TMEM42: variants seen among roughly 807,000 people sequenced by gnomAD.
The protein encoded by TMEM42 is transmembrane protein 42.
TMEM42 carries 8 observed loss-of-function variants against 14.0 expected under a neutral mutation model. That is an observed-to-expected ratio of 0.57 (90% confidence interval 0.34 to 1.03). TMEM42 has a LOEUF of 1.03. TMEM42 is among the 50% of genes least tolerant of loss of function. The pLI, the probability that TMEM42 is intolerant of heterozygous loss-of-function variation, is 0.03. For synonymous variants in TMEM42, 115 were observed against 94.3 expected (o/e 1.22, Z -1.27); for missense variants, 211 against 219.8 (o/e 0.96, Z 0.25).
chr3:44,863,879 T>G, intron 1 of TMEM42: 2 of 345,698 alleles, frequency 5.8e-6, no homozygotes, highest in Non-Finnish European at 1.1e-5. Flanking sequence ...GCACTGGTCA[T>G]TGTGGGACCA....
At chr3:44,862,168 GCCGCT>G in intron 1 of TMEM42, 52 bp downstream of exon 1, 1 of 1,039,470 alleles carries the variant, frequency 9.6e-7, no homozygotes, top group Non-Finnish European at 1.2e-6. Context: ...CGGGCGGGGC[GCCGCT>G]GGGCGGAGGA....
At position 44,862,163 on chromosome 3, in the gene TMEM42, G is replaced by A. The variant is rs1699263000; in HGVS notation, c.192+47G>A. On this transcript the variant is annotated intron_variant, in intron 1 of 2. Coordinates refer to ENST00000302392, the MANE Select transcript of TMEM42 (RefSeq NM_144638.3). The stretch of plus-strand genomic sequence containing the variant: ...GTGCTGCTGCTGCGGGCGGGCGGGC[G>A]GGGCGCCGCTGGGCGGAGGAGGGGC... The A allele has an allele frequency of 5.0e-6, 3 of 597,604 alleles. 1 individual carries two copies. Among genetic ancestry groups the A allele is most frequent in the African/African-American group, 2.0e-5 (1 of 50,208 alleles). The allele number at this position is 597,604 out of a possible 1,614,324, so 37.0% of individuals were successfully genotyped here. A position where few individuals can be genotyped will look rare whatever the true frequency, so the allele number is the denominator to read the frequency against.
At chr3:44,864,447 G>A (rs2125740227) in intron 2 of TMEM42, 104 bp downstream of exon 2, 1 of 1,458,998 alleles carries the variant, frequency 6.9e-7, no homozygotes, top group Non-Finnish European at 9.4e-7. Flanking sequence ...GACAGGAACT[G>A]AAGCAGAGGT....
chr3:44,864,138 G>T, intron 1 of TMEM42, 59 bp from the exon 2 acceptor site: 1 of 1,607,140 alleles, frequency 6.2e-7, no homozygotes, highest in Non-Finnish European at 8.5e-7. Flanking sequence ...TGTGCTTTGA[G>T]GGGGTCTGCA....
In TMEM42 at chr3:44,865,478, A is replaced by C; in HGVS notation, c.*298A>C. 1 of 367,020 alleles carries C rather than the reference A, an allele frequency of 2.7e-6. No homozygotes were observed. Among genetic ancestry groups the C allele is most frequent in the South Asian group, 5.5e-5 (1 of 18,170 alleles). 22.7% of individuals were successfully genotyped at this position (367,020 alleles called of 1,614,324 possible). The stretch of plus-strand genomic sequence containing the variant: ...GGGGTTGGTCTGCTTTGTGTATGGT[A>C]CTTGAAACCACGCTGTAATTATTGT... On this transcript the variant is annotated 3_prime_UTR_variant, in exon 3 of 3. Coordinates refer to ENST00000302392, the MANE Select transcript of TMEM42 (RefSeq NM_144638.3).
chr3:44,862,056 G>T lies in TMEM42; in HGVS notation c.132G>T (p.Leu44=). ...RRRFWGVFNC[L]CAGAFGALAA... ...GCTTTTGGGGCGTATTCAACTGTCT[G>T]TGCGCCGGCGCGTTCGGGGCCCTGG... The change falls in exon 1 of 3, where the codon CTG becomes CTT. Residue 44 remains leucine (L), a synonymous_variant. Coordinates refer to ENST00000302392, the MANE Select transcript of TMEM42 (RefSeq NM_144638.3). 7.5e-7 allele frequency: 1 copy of T among 1,328,842 alleles called. No homozygotes were observed. Among genetic ancestry groups the T allele is most frequent in the African/African-American group, 1.5e-5 (1 of 66,376 alleles). 82.3% of individuals were successfully genotyped at this position (1,328,842 alleles called of 1,614,324 possible). A position where few individuals can be genotyped will look rare whatever the true frequency, so the allele number is the denominator to read the frequency against.
In TMEM42 at chr3:44,861,958, G is replaced by A; in HGVS notation, c.34G>A (p.Val12Met). The A allele has an allele frequency of 7.1e-7, 1 of 1,403,560 alleles. No individual in the cohort carries two copies. Among genetic ancestry groups the A allele is most frequent in the Non-Finnish European group, 9.2e-7 (1 of 1,081,314 alleles). 86.9% of individuals were successfully genotyped at this position (1,403,560 alleles called of 1,614,324 possible). A position where few individuals can be genotyped will look rare whatever the true frequency, so the allele number is the denominator to read the frequency against. Reference sequence around the variant, plus strand: ...GAGGCCGGGGCCTCCGGGCGGCGCCGTGTCCGCGACCGCGTACCCTGACAC... The same window carrying A: ...GAGGCCGGGGCCTCCGGGCGGCGCCATGTCCGCGACCGCGTACCCTGACAC... ...AERPGPPGGAVSATAYPDTPA... is the reference protein window; with the variant it reads ...AERPGPPGGAMSATAYPDTPA... Residue 12 changes from valine (V) to methionine (M), a missense_variant, in exon 1 of 3, where the codon GTG becomes ATG. By Grantham distance (21) the Val-to-Met change is conservative. Coordinates refer to ENST00000302392, the MANE Select transcript of TMEM42 (RefSeq NM_144638.3).
At chr3:44,864,859 C>T (rs1699303418) in intron 2 of TMEM42, among the ~76,000 whole-genome samples, 181 bp from the exon 3 acceptor site, 2 of 152,124 alleles carry the variant, frequency 1.3e-5, no homozygotes, top group Admixed American at 1.3e-4. Context: ...GGTAGCCTCT[C>T]CACTCATGCA....
Position 44,864,491 on chromosome 3 carries a change from A to G in TMEM42, c.339+148A>G, listed in dbSNP as rs568366130. On this transcript the variant is annotated intron_variant, in intron 2 of 2. Transcript: ENST00000302392. ...GGCTTGACCCCTGGATGAGTGCTCT[A>G]TTCATGGAGCAAATGTAATTCTAAT... 8 of 876,324 alleles carry G rather than the reference A, an allele frequency of 9.1e-6. No homozygotes were observed. The East Asian group carries it at 1.8e-4, about 20-fold the overall frequency. 54.3% of individuals were successfully genotyped at this position (876,324 alleles called of 1,614,324 possible).
chr3:44,863,872 C>T (rs1699291184), intron 1 of TMEM42: 1 of 320,238 alleles, frequency 3.1e-6, no homozygotes, highest in East Asian at 5.8e-5. Context: ...TCTTCAAGCA[C>T]TGGTCATTGT....
Position 44,864,201 on chromosome 3 carries a change from G to A in TMEM42, c.197G>A (p.Ser66Asn), listed in dbSNP as rs756373191. ...CAGTGACACTTTCTCCTGCAGGTGA[G>A]CATGGGTTTATGCGTCTTAGGCATT... The part of the protein sequence containing the change: ...SAKLAFGSEV[S>N]MGLCVLGIIV... Residue 66 changes from serine to asparagine, a missense_variant, in exon 2 of 3, where the codon AGC becomes AAC. By Grantham distance (46) the Ser-to-Asn change is conservative. Coordinates refer to ENST00000302392, the MANE Select transcript of TMEM42 (RefSeq NM_144638.3). 1 of 1,614,020 alleles carries A rather than the reference G, an allele frequency of 6.2e-7. No individual in the cohort carries two copies. Among genetic ancestry groups the A allele is most frequent in the Non-Finnish European group, 8.5e-7 (1 of 1,180,032 alleles).
At position 44,862,058 on chromosome 3, in the gene TMEM42, G is replaced by T; in HGVS notation, c.134G>T (p.Cys45Phe). ...RRFWGVFNCL[C>F]AGAFGALAAA... is the part of the protein sequence containing the mutation. The stretch of plus-strand genomic sequence containing the variant: ...TTTTGGGGCGTATTCAACTGTCTGT[G>T]CGCCGGCGCGTTCGGGGCCCTGGCC... Residue 45 changes from cysteine (C) to phenylalanine (F), a missense_variant, in exon 1 of 3, where the codon TGC becomes TTC. Cys to Phe is a radical substitution (Grantham distance 205). Transcript: ENST00000302392. 1 of 1,327,338 alleles carries T rather than the reference G, an allele frequency of 7.5e-7. No homozygotes were observed. 82.2% of individuals were successfully genotyped at this position (1,327,338 alleles called of 1,614,324 possible).
chr3:44,864,290 A>T lies in TMEM42; in HGVS notation c.286A>T (p.Met96Leu), dbSNP rs137995657. The change falls in exon 2 of 3, where the codon ATG becomes TTG. Residue 96 changes from methionine to leucine, a missense_variant. Transcript: ENST00000302392. The part of the protein sequence containing the change: ...TFFSRGLSFS[M>L]SSAIASVTVT... ...CTTTAGCCGGGGCCTCAGTTTCTCC[A>T]TGTCTTCAGCCATTGCATCTGTCAC... The T allele has an allele frequency of 1.2e-6, 2 of 1,614,146 alleles. No homozygotes were observed. The highest frequency in any genetic ancestry group is 1.7e-6 in the Non-Finnish European group (2 of 1,180,026).
In TMEM42 at chr3:44,864,220, A is replaced by G. The variant is rs779479684; in HGVS notation, c.216A>G (p.Leu72=). The part of the protein sequence containing the change: ...GSEVSMGLCV[L]GIIVMASTNS... ...AGGTGAGCATGGGTTTATGCGTCTTAGGCATTATTGTGATGGCGAGCACCA... is the reference window on the plus strand; with the variant it reads ...AGGTGAGCATGGGTTTATGCGTCTTGGGCATTATTGTGATGGCGAGCACCA... Residue 72 remains leucine, a synonymous_variant, in exon 2 of 3, where the codon TTA becomes TTG. Coordinates refer to ENST00000302392, the MANE Select transcript of TMEM42 (RefSeq NM_144638.3). 1.2e-6 allele frequency: 2 copies of G among 1,614,130 alleles called. No individual in the cohort carries two copies. The highest frequency in any genetic ancestry group is 1.3e-5 in the African/African-American group (1 of 75,028).
chr3:44,863,308 C>CCCG (rs1553668754), intron 1 of TMEM42: 2 of 111,316 alleles, frequency 1.8e-5, no homozygotes, highest in African/African-American at 2.9e-5. Flanking sequence ...GCACCCCCCC[C>CCCG]CCCCGCCGCC....
intron 1 of TMEM42, chr3:44,863,266 A>G (rs1245481900): frequency 1.5e-5 from 2 of 136,844 alleles, no homozygotes; most frequent in Non-Finnish European, 3.0e-5. Flanking sequence ...CTGCTGAGAA[A>G]CCATTACAAG....
In TMEM42 at chr3:44,864,238, G is replaced by C. The variant is rs771634203; in HGVS notation, c.234G>C (p.Ala78=). 3 of 1,614,158 alleles carry C rather than the reference G, an allele frequency of 1.9e-6. No individual in the cohort carries two copies. The highest frequency in any genetic ancestry group is 1.7e-6 in the Non-Finnish European group (2 of 1,180,024). Residue 78 remains alanine (A), a synonymous_variant, in exon 2 of 3, where the codon GCG becomes GCC. Transcript: ENST00000302392. The part of the protein sequence containing the change: ...GLCVLGIIVM[A]STNSLMWTFF... ...GCGTCTTAGGCATTATTGTGATGGC[G>C]AGCACCAATTCTCTGATGTGGACCT...
intron 1 of TMEM42, chr3:44,862,677 C>G (rs1226009631): frequency 6.6e-6 from 1 of 152,060 alleles, no homozygotes; most frequent in Non-Finnish European, 1.5e-5. Flanking sequence ...GTTTTCCTGA[C>G]GCTGAGAACT....
chr3:44,865,345 T>C lies in TMEM42; in HGVS notation c.*165T>C. The C allele has an allele frequency of 1.2e-6, 1 of 842,674 alleles. No homozygotes were observed. Among genetic ancestry groups the C allele is most frequent in the Non-Finnish European group, 1.8e-6 (1 of 541,468 alleles). The allele number at this position is 842,674 out of a possible 1,614,324, so 52.2% of individuals were successfully genotyped here. A position where few individuals can be genotyped will look rare whatever the true frequency, so the allele number is the denominator to read the frequency against. On this transcript the variant is annotated 3_prime_UTR_variant, in exon 3 of 3. Transcript: ENST00000302392. ...CAGGCTCTGGCTCTGTAAGGAGAGG[T>C]GCAGCTGCAGCAGTGTTCTACCGGA... is the stretch of plus-strand genomic sequence containing the variant.
Sources: gnomAD v4.1 joint callset for allele counts (sites outside exome capture counted in the v4.1 genomes callset) on GRCh38, gnomAD v4.1.1 for gene constraint, MANE v1.5 for transcripts, NCBI Gene and HGNC (gene_info 2026-07-23, HGNC 2026-07-21) for gene names.